The following ELMO1 variants were observed in gnomAD, a reference collection of about 807,000 sequenced individuals.
The protein encoded by ELMO1 is engulfment and cell motility 1, also known as engulfment and cell motility protein 1.
In ELMO1, 26 loss-of-function variants were observed where a neutral mutation model predicts 98.9. The ratio of observed to expected loss-of-function variants is 0.26; its 90% CI spans 0.19 to 0.36. The LOEUF (loss-of-function observed/expected upper bound fraction) is 0.36, where lower values mean the gene tolerates loss of function less well. Ranked by LOEUF, ELMO1 falls within the 10% of genes least tolerant of loss-of-function variation. The pLI is 1.00. For synonymous variants in ELMO1, 346 were observed against 346.0 expected, an observed-to-expected ratio of 1.00 and a Z score of 0.00; for missense variants, 627 against 935.2, an observed-to-expected ratio of 0.67 and a Z score of 4.30.
chr7:36,857,218 A>C (rs555367060), intron 21 of ELMO1, among the ~76,000 whole-genome samples: 1 of 152,336 alleles, frequency 6.6e-6, no homozygotes, highest in South Asian at 2.1e-4. Context: ...TTTAGTGTTA[A>C]GGGATTTCCG....
chr7:37,314,955 A>C, intron 3 of ELMO1, 33 bp from the exon 4 acceptor site: 1 of 1,588,264 alleles, frequency 6.3e-7, no homozygotes, highest in Non-Finnish European at 8.6e-7. Context: ...GATTAGAAAA[A>C]TGAAAGTGGC....
intron 1 of ELMO1, among the ~76,000 whole-genome samples, chr7:37,412,453 T>C (rs1227996672): frequency 3.3e-5 from 5 of 152,236 alleles, no homozygotes; most frequent in African/African-American, 4.8e-5. Flanking sequence ...AAATGACTAG[T>C]TTAACAGATG....
intron 15 of ELMO1, among the ~76,000 whole-genome samples, chr7:37,053,815 AATTG>A (rs1407596867): frequency 2.6e-5 from 4 of 152,162 alleles, no homozygotes; most frequent in Non-Finnish European, 4.4e-5. Context: ...TGCAATGTGC[AATTG>A]ATTAAGTCTA....
intron 16 of ELMO1, among the ~76,000 whole-genome samples, chr7:36,947,040 C>G (rs530857440): frequency 6.6e-6 from 1 of 152,098 alleles, no homozygotes; most frequent in Non-Finnish European, 1.5e-5. Flanking sequence ...CTGCACAATG[C>G]TGAGGTTTGG....
At chr7:37,279,794 C>T (rs561391393) in intron 4 of ELMO1, among the ~76,000 whole-genome samples, 1 of 152,248 alleles carries the variant, frequency 6.6e-6, no homozygotes, top group East Asian at 1.9e-4. Flanking sequence ...AATCTGTAGC[C>T]GAACTTTGTA....
intron 1 of ELMO1, among the ~76,000 whole-genome samples, chr7:37,351,826 T>C (rs1280965663): frequency 1.3e-5 from 2 of 152,110 alleles, no homozygotes; most frequent in South Asian, 2.1e-4. Flanking sequence ...CAAGAGGAAA[T>C]GGTCTTTTGC....
chr7:37,071,898 G>A (rs994649798), intron 15 of ELMO1, among the ~76,000 whole-genome samples: 2 of 151,874 alleles, frequency 1.3e-5, no homozygotes, highest in Non-Finnish European at 2.9e-5. Context: ...ACACACACAC[G>A]CACACGTGCA....
At chr7:37,219,419 A>G (rs756553639) in intron 10 of ELMO1, among the ~76,000 whole-genome samples, 2 of 152,234 alleles carry the variant, frequency 1.3e-5, no homozygotes, top group Non-Finnish European at 2.9e-5. Flanking sequence ...AAATTTTAAA[A>G]AAGTATTTGA....
At chr7:36,923,930 G>A (rs887500947) in intron 16 of ELMO1, among the ~76,000 whole-genome samples, 1 of 152,142 alleles carries the variant, frequency 6.6e-6, no homozygotes, top group African/African-American at 2.4e-5. Flanking sequence ...CTATACGTGT[G>A]GAACACAAAC....
At chr7:37,226,328 G>A (rs1322214425) in intron 8 of ELMO1, among the ~76,000 whole-genome samples, 1 of 152,092 alleles carries the variant, frequency 6.6e-6, no homozygotes, top group Non-Finnish European at 1.5e-5. Context: ...AACCTTCTCC[G>A]ACATGTTTAC....
chr7:36,997,464 G>A (rs1792305407), intron 16 of ELMO1, among the ~76,000 whole-genome samples: 1 of 152,112 alleles, frequency 6.6e-6, no homozygotes, highest in African/African-American at 2.4e-5. Context: ...ATAGAGTGGT[G>A]AATCAGTAGG....
chr7:36,935,380 A>G (rs1478932506), intron 16 of ELMO1, among the ~76,000 whole-genome samples: 1 of 152,044 alleles, frequency 6.6e-6, no homozygotes, highest in Non-Finnish European at 1.5e-5. Flanking sequence ...AGCCACACGT[A>G]AAGGACTAAA....
intron 16 of ELMO1, among the ~76,000 whole-genome samples, chr7:36,953,875 G>T (rs1788218073): frequency 9.8e-6 from 1 of 101,616 alleles, no homozygotes; most frequent in African/African-American, 4.0e-5. Context: ...GTGTGTGTGT[G>T]TGTGTGTGTG....
chr7:37,043,922 C>T (rs1333397361), intron 15 of ELMO1, among the ~76,000 whole-genome samples: 1 of 152,176 alleles, frequency 6.6e-6, no homozygotes, highest in East Asian at 1.9e-4. Context: ...CCAAGTTCCT[C>T]TGTCTCTTTA....
intron 4 of ELMO1, among the ~76,000 whole-genome samples, chr7:37,304,934 G>T (rs1300956880): frequency 6.6e-6 from 1 of 152,186 alleles, no homozygotes; most frequent in Admixed American, 6.5e-5. Context: ...TCACCACAGT[G>T]GAGTGTGACT....
chr7:36,897,091 C>T (rs555488288), intron 16 of ELMO1, among the ~76,000 whole-genome samples: 1 of 152,336 alleles, frequency 6.6e-6, no homozygotes, highest in African/African-American at 2.4e-5. Flanking sequence ...GGGGCTGTCA[C>T]AGAGATGATG....
rs748581332 is a variant in ELMO1 at position 37,013,445 on chromosome 7, A to C, written c.1301-10T>G. ...TTGCAGGTCTCACTAGCTGGAGGAA[A>C]GAGATGGAAAATAAGAGAAAAAGTT... is the stretch of plus-strand genomic sequence containing the variant. On this transcript the variant is annotated splice_polypyrimidine_tract_variant and intron_variant, in intron 15 of 21. Transcript: ENST00000310758. The C allele has an allele frequency of 3.7e-6, 6 of 1,613,604 alleles. No individual in the cohort carries two copies. In the African/African-American group the frequency reaches 4.0e-5, roughly 11 times the overall value.
chr7:36,994,483 CCTTAAA>C (rs982281123), intron 16 of ELMO1, among the ~76,000 whole-genome samples: 1 of 152,208 alleles, frequency 6.6e-6, no homozygotes, highest in Non-Finnish European at 1.5e-5. Flanking sequence ...CTACTGCAAA[CCTTAAA>C]CTTAGAGAGG....
At chr7:37,374,924 G>T (rs1332177769) in intron 1 of ELMO1, among the ~76,000 whole-genome samples, 2 of 151,928 alleles carry the variant, frequency 1.3e-5, no homozygotes, top group Non-Finnish European at 2.9e-5. Context: ...GCCGGGCGTG[G>T]TGATGCATGC....
Sources: gnomAD v4.1 joint callset for allele counts (sites outside exome capture counted in the v4.1 genomes callset) on GRCh38, gnomAD v4.1.1 for gene constraint, MANE v1.5 for transcripts, NCBI Gene and HGNC (gene_info 2026-07-23, HGNC 2026-07-21) for gene names.